The following KIF11 variants were observed in gnomAD, a reference collection of about 807,000 sequenced individuals.
KIF11 encodes kinesin-like protein KIF11.
Under a neutral mutation model 121.0 loss-of-function variants are expected in KIF11, and 9 were observed. The observed-to-expected ratio is 0.07, with a 90% CI of 0.04 to 0.13. The LOEUF (loss-of-function observed/expected upper bound fraction) is 0.13, where lower values mean the gene tolerates loss of function less well. KIF11 is among the 10% of genes least tolerant of loss of function. KIF11 has a pLI of 1.00. For missense variants in KIF11, 846 were observed against 1,217.5 expected (o/e 0.69, Z 4.54); for synonymous variants, 408 against 421.0 (o/e 0.97, Z 0.38).
intron 17 of KIF11, among the ~76,000 whole-genome samples, chr10:92,644,295 C>A (rs1391756966): frequency 1.3e-5 from 2 of 152,046 alleles, no homozygotes; most frequent in Non-Finnish European, 2.9e-5. Context: ...ATCTCGTCTT[C>A]CCATTAAGTT....
chr10:92,593,950 T>G (rs1844262976), intron 1 of KIF11, among the ~76,000 whole-genome samples: 1 of 152,328 alleles, frequency 6.6e-6, no homozygotes, highest in African/African-American at 2.4e-5. Flanking sequence ...CAAGACAAGT[T>G]AAGCTAGTGT....
intron 16 of KIF11, 22 bp downstream of exon 16, chr10:92,637,567 G>C (rs767160778): frequency 6.3e-7 from 1 of 1,589,048 alleles, no homozygotes. Context: ...AGCGGACTTG[G>C]GGAGTACAGA....
At chr10:92,624,493 T>C (rs1457633805) in intron 10 of KIF11, among the ~76,000 whole-genome samples, 1 of 151,860 alleles carries the variant, frequency 6.6e-6, no homozygotes, top group Non-Finnish European at 1.5e-5. Context: ...CTCACCTTGG[T>C]ATCCTGGCGT....
At chr10:92,646,248 G>A (rs1564717198) in intron 18 of KIF11, among the ~76,000 whole-genome samples, 2 of 151,964 alleles carry the variant, frequency 1.3e-5, no homozygotes, top group African/African-American at 2.4e-5. Flanking sequence ...CACTGCGCCC[G>A]GCCTATCTTT....
chr10:92,606,832 CA>C, intron 3 of KIF11, 116 bp downstream of exon 3: 1 of 715,880 alleles, frequency 1.4e-6, no homozygotes. Context: ...GGCTGGAGTG[CA>C]ATGGCGCGAT....
chr10:92,637,115 TC>T, intron 14 of KIF11, 68 bp from the exon 15 acceptor site: 1 of 1,171,440 alleles, frequency 8.5e-7, no homozygotes, highest in Non-Finnish European at 1.2e-6. Context: ...ATTTAAGATA[TC>T]ATTTAGAAAG....
intron 8 of KIF11, among the ~76,000 whole-genome samples, chr10:92,615,990 C>G (rs1195009939): frequency 6.6e-6 from 1 of 151,882 alleles, no homozygotes; most frequent in African/African-American, 2.4e-5. Flanking sequence ...CAGGCGCCAC[C>G]ACCATGCCTG....
At chr10:92,599,796 G>T (rs1651348053) in intron 1 of KIF11, among the ~76,000 whole-genome samples, 1 of 148,090 alleles carries the variant, frequency 6.8e-6, no homozygotes, top group Admixed American at 6.8e-5. Flanking sequence ...GGGACTACAG[G>T]CACACGCTAC....
intron 6 of KIF11, 83 bp from the exon 7 acceptor site, chr10:92,612,956 TC>T: frequency 2.7e-6 from 2 of 732,860 alleles, no homozygotes; most frequent in East Asian, 5.2e-5. Context: ...TGGATTTAGA[TC>T]TTCTTTCCTG....
intron 10 of KIF11, among the ~76,000 whole-genome samples, chr10:92,628,223 T>C (rs755520836): frequency 2.6e-5 from 4 of 152,196 alleles, no homozygotes; most frequent in Non-Finnish European, 4.4e-5. Context: ...AACTCTGCTC[T>C]AGAGAGTAAT....
At chr10:92,614,848 A>G (rs1341680710) in intron 8 of KIF11, among the ~76,000 whole-genome samples, 1 of 152,182 alleles carries the variant, frequency 6.6e-6, no homozygotes, top group African/African-American at 2.4e-5. Flanking sequence ...CAGTAGCATG[A>G]TCATGGCTCA....
intron 17 of KIF11, among the ~76,000 whole-genome samples, chr10:92,643,908 A>G (rs1256991762): frequency 2.0e-5 from 3 of 152,084 alleles, no homozygotes; most frequent in African/African-American, 7.2e-5. Context: ...AACTTCTGTC[A>G]TTTGTTTTTC....
chr10:92,628,422 T>C (rs143197135), intron 10 of KIF11, among the ~76,000 whole-genome samples: 90 of 152,282 alleles, frequency 5.9e-4, no homozygotes, highest in African/African-American at 2.0e-3. Context: ...GGGGCATATT[T>C]ATATTCTGTA....
intron 12 of KIF11, among the ~76,000 whole-genome samples, chr10:92,631,484 C>T (rs373321671): frequency 0.02 from 3,074 of 150,080 alleles, 49 homozygotes; most frequent in Admixed American, 0.052. Context: ...GCCTCAGCCT[C>T]CCGAGTAGCT....
chr10:92,597,072 C>G, intron 1 of KIF11: 1 of 373,184 alleles, frequency 2.7e-6, no homozygotes, highest in Non-Finnish European at 5.4e-6. Flanking sequence ...GTTGTTCTTT[C>G]TTGATTCACA....
chr10:92,602,542 A>G (rs1167456427), intron 1 of KIF11, among the ~76,000 whole-genome samples: 7 of 152,092 alleles, frequency 4.6e-5, no homozygotes. Flanking sequence ...ATTTGTTGGC[A>G]TACAATTGTT....
In KIF11 at chr10:92,613,229, A is replaced by G; in HGVS notation, c.789+99A>G. On this transcript the variant is annotated intron_variant, in intron 7 of 21. Transcript: ENST00000260731. This position sits in a 1 kb window ranked among gnomAD's most constrained non-coding sequence, Gnocchi z 4.2. ...ACAAAATTTTTGTGGTCACTGGGTG[A>G]TTAGCTTTGTAGTGGGAGAAGAAAT... 1 of 1,107,458 alleles carries G rather than the reference A, an allele frequency of 9.0e-7. No individual in the cohort carries two copies. The highest frequency in any genetic ancestry group is 1.3e-6 in the Non-Finnish European group (1 of 770,790). The allele number at this position is 1,107,458 out of a possible 1,614,324, so 68.6% of individuals were successfully genotyped here. A position where few individuals can be genotyped will look rare whatever the true frequency, so the allele number is the denominator to read the frequency against.
At chr10:92,641,158 G>GT (rs1473132530) in intron 17 of KIF11, among the ~76,000 whole-genome samples, 1 of 152,086 alleles carries the variant, frequency 6.6e-6, no homozygotes, top group Non-Finnish European at 1.5e-5. Context: ...TAACTTTATG[G>GT]TTTAACATTT....
At chr10:92,634,482 C>G (rs1844774860) in intron 14 of KIF11, among the ~76,000 whole-genome samples, 1 of 149,912 alleles carries the variant, frequency 6.7e-6, no homozygotes, top group East Asian at 2.0e-4. Flanking sequence ...CCATGTTGGT[C>G]AGGCTGGTCT....
Sources: gnomAD v4.1 joint callset for allele counts (sites outside exome capture counted in the v4.1 genomes callset) on GRCh38, gnomAD v4.1.1 for gene constraint, Gnocchi (gnomAD v3.1) non-coding constraint, MANE v1.5 for transcripts, NCBI Gene and HGNC (gene_info 2026-07-23, HGNC 2026-07-21) for gene names.